The following IL1RAPL2 variants were observed in gnomAD, a reference collection of about 807,000 sequenced individuals.
The protein encoded by IL1RAPL2 is X-linked interleukin-1 receptor accessory protein-like 2.
A neutral mutation model predicts 44.1 loss-of-function variants in IL1RAPL2; 3 were observed. The observed-to-expected ratio is 0.07, with a 90% confidence interval of 0.03 to 0.18. The LOEUF (loss-of-function observed/expected upper bound fraction) is 0.18. Ranked by LOEUF, IL1RAPL2 falls within the 10% of genes least tolerant of loss-of-function variation. IL1RAPL2 has a pLI of 1.00. For missense variants in IL1RAPL2, 391 were observed against 496.4 expected (o/e 0.79, Z 2.02); for synonymous variants, 181 against 178.8 (o/e 1.01, Z -0.10).
chrX:104,708,750 A>T (rs1931403680), intron 2 of IL1RAPL2, among the ~76,000 whole-genome samples: 1 of 110,723 alleles, frequency 9.0e-6, no homozygotes, highest in African/African-American at 3.3e-5. Context: ...TTATCATCTG[A>T]GCAGGGAATT....
chrX:105,087,958 C>T (rs184462267), intron 2 of IL1RAPL2, among the ~76,000 whole-genome samples: 10 of 111,950 alleles, frequency 8.9e-5, no homozygotes, highest in African/African-American at 1.6e-4. Flanking sequence ...TGCCATAGTT[C>T]GATTAGAGTA....
intron 6 of IL1RAPL2, among the ~76,000 whole-genome samples, chrX:105,622,297 A>G (rs895042147): frequency 1.5e-4 from 16 of 107,581 alleles, no homozygotes; most frequent in Non-Finnish European, 3.8e-5. Flanking sequence ...TAATAATAAT[A>G]ATAATAATAA....
At chrX:105,188,183 A>C (rs782177863) in intron 2 of IL1RAPL2, among the ~76,000 whole-genome samples, 1 of 111,129 alleles carries the variant, frequency 9.0e-6, no homozygotes, top group South Asian at 3.8e-4. Flanking sequence ...GAGAAAGTCA[A>C]GATTCAGGGA....
At chrX:105,439,846 C>T (rs747252217) in intron 5 of IL1RAPL2, among the ~76,000 whole-genome samples, 2 of 111,611 alleles carry the variant, frequency 1.8e-5, no homozygotes, top group Non-Finnish European at 3.8e-5. Flanking sequence ...TGACCTTGGC[C>T]GACTACTAAA....
intron 10 of IL1RAPL2, among the ~76,000 whole-genome samples, chrX:105,762,623 T>C (rs1186858014): frequency 8.9e-6 from 1 of 112,302 alleles, no homozygotes; most frequent in Non-Finnish European, 1.9e-5. Flanking sequence ...TAATCTGCTG[T>C]GGTTTCGCAG....
At chrX:105,037,021 A>G (rs1309524400) in intron 2 of IL1RAPL2, among the ~76,000 whole-genome samples, 2 of 112,247 alleles carry the variant, frequency 1.8e-5, no homozygotes, top group Admixed American at 9.5e-5. Context: ...AATCTAGAAG[A>G]TGAAGTCATT....
At chrX:105,611,138 CAGAA>C (rs2037333501) in intron 6 of IL1RAPL2, among the ~76,000 whole-genome samples, 1 of 111,516 alleles carries the variant, frequency 9.0e-6, no homozygotes, top group Non-Finnish European at 1.9e-5. Context: ...AATTTGAAAA[CAGAA>C]AGAAGCTTAT....
At position 104,585,292 on chromosome X, in the gene IL1RAPL2, T is replaced by TTA. The variant is rs1928507150; in HGVS notation, c.-20+18247_-20+18248dup. On this transcript the variant is annotated intron_variant, in intron 1 of 10. Coordinates refer to ENST00000372582, the MANE Select transcript of IL1RAPL2 (RefSeq NM_017416.2). ...TATATTATATATATTATATAATATA[T>TTA]TATATATTATATATTATATAATATA... is the stretch of plus-strand genomic sequence containing the variant. Among the ~76,000 whole-genome samples, 30 of 13,014 alleles carry TTA rather than the reference T, an allele frequency of 2.3e-3. 4 individuals carry two copies. Among genetic ancestry groups the TTA allele is most frequent in the African/African-American group, 0.019 (28 of 1,511 alleles). 11.3% of individuals were successfully genotyped at this position (13,014 alleles called of 115,157 possible). A position where few individuals can be genotyped will look rare whatever the true frequency, so the allele number is the denominator to read the frequency against.
At chrX:104,607,388 G>A in intron 1 of IL1RAPL2, among the ~76,000 whole-genome samples, 1 of 111,709 alleles carries the variant, frequency 9.0e-6, no homozygotes. Flanking sequence ...AATTGACGTG[G>A]GATCTGATTA....
Position 105,650,759 on chromosome X carries a change from G to C in IL1RAPL2, c.773-66608G>C, listed in dbSNP as rs577888353. 7.1e-5 allele frequency among the ~76,000 whole-genome samples: 8 copies of C among 111,908 alleles called. No individual in the cohort carries two copies. In the South Asian group the frequency reaches 3.0e-3, roughly 42 times the overall value. ...CTAGGAAAGGCAGGTTCAGAGTTCA[G>C]GAACATAACCTTTGCCTGAGGCTAT... On this transcript the variant is annotated intron_variant, in intron 6 of 10. Transcript: ENST00000372582.
chrX:105,066,328 A>G (rs754470325), intron 2 of IL1RAPL2, among the ~76,000 whole-genome samples: 4 of 110,814 alleles, frequency 3.6e-5, no homozygotes, highest in South Asian at 3.9e-4. Context: ...TTATATCCAA[A>G]ATTATACTTG....
chrX:105,523,021 T>A (rs528492568), intron 6 of IL1RAPL2, among the ~76,000 whole-genome samples: 2 of 111,508 alleles, frequency 1.8e-5, no homozygotes, highest in East Asian at 5.7e-4. Flanking sequence ...TGTTTTCCAG[T>A]CTGCTATTTT....
intron 2 of IL1RAPL2, among the ~76,000 whole-genome samples, chrX:105,031,764 G>T (rs1164646940): frequency 1.8e-5 from 2 of 111,441 alleles, no homozygotes; most frequent in Admixed American, 9.5e-5. Context: ...CTCATAAAAT[G>T]AGTAAGGGAG....
chrX:105,457,851 G>A (rs943915610), intron 5 of IL1RAPL2, among the ~76,000 whole-genome samples: 1 of 109,914 alleles, frequency 9.1e-6, no homozygotes, highest in Non-Finnish European at 1.9e-5. Flanking sequence ...GGAATTACTG[G>A]GTCATATGGT....
At chrX:105,175,118 T>C (rs1392207056) in intron 2 of IL1RAPL2, among the ~76,000 whole-genome samples, 1 of 111,528 alleles carries the variant, frequency 9.0e-6, no homozygotes, top group African/African-American at 3.3e-5. Context: ...CAGTGCTTAA[T>C]ACACAGTGAG....
intron 2 of IL1RAPL2, among the ~76,000 whole-genome samples, chrX:104,786,919 TTCTC>T (rs58609782): frequency 0.012 from 423 of 36,441 alleles, 6 homozygotes; most frequent in East Asian, 0.025. Flanking sequence ...CTCATTCATA[TTCTC>T]TCTCTCTCTC....
At chrX:105,673,416 G>A (rs1472354284) in intron 6 of IL1RAPL2, among the ~76,000 whole-genome samples, 1 of 111,291 alleles carries the variant, frequency 9.0e-6, no homozygotes, top group African/African-American at 3.3e-5. Context: ...AGAACATTTG[G>A]TGTTTGGTTT....
chrX:105,092,582 G>A (rs994244540), intron 2 of IL1RAPL2, among the ~76,000 whole-genome samples: 1 of 111,273 alleles, frequency 9.0e-6, no homozygotes, highest in Non-Finnish European at 1.9e-5. Context: ...TGCCCACATA[G>A]TTGATCTCAG....
chrX:104,952,517 G>C (rs1236070953), intron 2 of IL1RAPL2, among the ~76,000 whole-genome samples: 1 of 111,881 alleles, frequency 8.9e-6, no homozygotes, highest in Non-Finnish European at 1.9e-5. Context: ...TTTAACAAAA[G>C]AAACATTAAC....
Sources: allele counts gnomAD v4.1 joint callset (sites outside exome capture counted in the v4.1 genomes callset), GRCh38; gene constraint gnomAD v4.1.1; transcripts MANE v1.5; gene names NCBI Gene and HGNC (gene_info 2026-07-23, HGNC 2026-07-21).